CYP2C19: variants seen among roughly 807,000 people sequenced by gnomAD.
The protein encoded by CYP2C19 is cytochrome P450 family 2 subfamily C member 19.
Under a neutral mutation model 40.9 loss-of-function variants are expected in CYP2C19, and 59 were observed. The ratio of observed to expected loss-of-function variants is 1.44; its 90% CI spans 1.17 to 1.79. CYP2C19 has a LOEUF of 1.79. Ranked by LOEUF, CYP2C19 falls within the 40% of genes most tolerant of loss-of-function variation. The pLI, the probability that CYP2C19 is intolerant of heterozygous loss-of-function variation, is 0.00. For missense variants in CYP2C19, 754 were observed against 596.9 expected, an observed-to-expected ratio of 1.26 and a Z score of -2.74; for synonymous variants, 253 against 208.7, an observed-to-expected ratio of 1.21 and a Z score of -1.83.
At chr10:94,815,813 T>G (rs1848993190) in intron 5 of CYP2C19, among the ~76,000 whole-genome samples, 1 of 152,248 alleles carries the variant, frequency 6.6e-6, no homozygotes, top group Non-Finnish European at 1.5e-5. Flanking sequence ...ATGTTGCTTT[T>G]TTCATATCTG....
At chr10:94,844,692 T>A (rs1849545582) in intron 7 of CYP2C19, among the ~76,000 whole-genome samples, 1 of 152,200 alleles carries the variant, frequency 6.6e-6, no homozygotes, top group African/African-American at 2.4e-5. Context: ...TTATGGGGCT[T>A]ACCCTGAGGT....
At chr10:94,796,737 A>G (rs1848694110) in intron 5 of CYP2C19, among the ~76,000 whole-genome samples, 1 of 152,010 alleles carries the variant, frequency 6.6e-6, no homozygotes, top group Admixed American at 6.5e-5. Flanking sequence ...ATTCTTAGGT[A>G]TTTTACTCTC....
chr10:94,841,258 C>T (rs1413660852), intron 6 of CYP2C19, among the ~76,000 whole-genome samples: 2 of 152,210 alleles, frequency 1.3e-5, no homozygotes, highest in African/African-American at 4.8e-5. Flanking sequence ...CAAACCCAGG[C>T]ACTTAGCCAT....
intron 6 of CYP2C19, among the ~76,000 whole-genome samples, chr10:94,840,634 A>G (rs911485790): frequency 1.3e-5 from 2 of 152,188 alleles, no homozygotes; most frequent in African/African-American, 4.8e-5. Flanking sequence ...GGTCAGAAGG[A>G]AAGGTAGGGG....
chr10:94,770,917 G>T (rs902806497), intron 1 of CYP2C19, among the ~76,000 whole-genome samples: 2 of 152,172 alleles, frequency 1.3e-5, no homozygotes, highest in African/African-American at 4.8e-5. Context: ...TTCTTCAGCT[G>T]TCATTCTATC....
At chr10:94,840,682 T>C (rs940762233) in intron 6 of CYP2C19, among the ~76,000 whole-genome samples, 4 of 152,230 alleles carry the variant, frequency 2.6e-5, no homozygotes, top group Non-Finnish European at 5.9e-5. Context: ...GACTTCTGGC[T>C]GCGCCATGAT....
chr10:94,784,478 A>C (rs2134241997), intron 5 of CYP2C19, among the ~76,000 whole-genome samples: 1 of 152,164 alleles, frequency 6.6e-6, no homozygotes, highest in Admixed American at 6.5e-5. Context: ...AAATTTTTCT[A>C]CAGTGAATGT....
chr10:94,821,665 G>A (rs1849124095), intron 6 of CYP2C19, among the ~76,000 whole-genome samples: 1 of 152,102 alleles, frequency 6.6e-6, no homozygotes, highest in African/African-American at 2.4e-5. Flanking sequence ...CGGTTATGCT[G>A]CAGATAATAA....
intron 7 of CYP2C19, among the ~76,000 whole-genome samples, chr10:94,849,333 A>AT (rs1388789072): frequency 5.3e-5 from 8 of 151,364 alleles, no homozygotes; most frequent in East Asian, 4.0e-4. Flanking sequence ...TTATTTATTT[A>AT]TTTATTTTTT....
chr10:94,842,770 C>T (rs1043507536), intron 6 of CYP2C19, 67 bp from the exon 7 acceptor site: 9 of 1,519,668 alleles, frequency 5.9e-6, no homozygotes, highest in East Asian at 2.3e-5. Flanking sequence ...TTCATGTACC[C>T]CTGAATTGCT....
At chr10:94,817,933 A>G (rs907164116) in intron 5 of CYP2C19, among the ~76,000 whole-genome samples, 4 of 148,418 alleles carry the variant, frequency 2.7e-5, no homozygotes, top group African/African-American at 1.0e-4. Context: ...GAATGGCGTG[A>G]ACCCGGGAGG....
At chr10:94,838,599 C>T (rs1427962920) in intron 6 of CYP2C19, among the ~76,000 whole-genome samples, 3 of 152,056 alleles carry the variant, frequency 2.0e-5, no homozygotes, top group Admixed American at 2.0e-4. Context: ...TATTGGCACT[C>T]TTTGGTTCAT....
chr10:94,794,501 C>T (rs1282108895), intron 5 of CYP2C19, among the ~76,000 whole-genome samples: 2 of 152,148 alleles, frequency 1.3e-5, no homozygotes, highest in African/African-American at 4.8e-5. Flanking sequence ...CCAGTATGGC[C>T]ATTTTCTCAA....
At position 94,775,488 on chromosome 10, in the gene CYP2C19, C is replaced by T. The variant is rs368767518; in HGVS notation, c.430C>T (p.Arg144Cys). 2.4e-5 allele frequency: 39 copies of T among 1,613,832 alleles called. 1 individual carries two copies. The highest frequency in any genetic ancestry group is 3.3e-4 in the Middle Eastern group (2 of 6,084). Residue 144 changes from arginine to cysteine, a missense_variant, in exon 3 of 9, where the codon CGT becomes TGT. By Grantham distance (180) the Arg-to-Cys change is radical. Coordinates refer to ENST00000371321, the MANE Select transcript of CYP2C19 (RefSeq NM_000769.4). ...GATGGGGAAGAGGAGCATTGAGGACCGTGTTCAAGAGGAAGCCCGCTGCCT... is the reference window on the plus strand; with the variant it reads ...GATGGGGAAGAGGAGCATTGAGGACTGTGTTCAAGAGGAAGCCCGCTGCCT... Reference protein sequence around the residue: ...FGMGKRSIEDRVQEEARCLVE... With the variant: ...FGMGKRSIEDCVQEEARCLVE...
intron 6 of CYP2C19, among the ~76,000 whole-genome samples, chr10:94,839,774 A>C (rs183456488): frequency 6.6e-6 from 1 of 152,306 alleles, no homozygotes; most frequent in Admixed American, 6.5e-5. Context: ...TTTTTTCCTC[A>C]GTCACCTGGG....
At chr10:94,842,393 G>GT (rs57865512) in intron 6 of CYP2C19, among the ~76,000 whole-genome samples, 17,270 of 86,838 alleles carry the variant, frequency 0.2, 1,746 homozygotes, top group South Asian at 0.36. Flanking sequence ...TTTAAGTGAA[G>GT]TTTTTTTTTT....
intron 6 of CYP2C19, among the ~76,000 whole-genome samples, chr10:94,838,477 A>ATT (rs1849439265): frequency 6.6e-6 from 1 of 152,190 alleles, no homozygotes; most frequent in Non-Finnish European, 1.5e-5. Flanking sequence ...CTGATCTAAA[A>ATT]TACCTAGGTC....
chr10:94,794,482 T>G (rs1361530651), intron 5 of CYP2C19, among the ~76,000 whole-genome samples: 1 of 152,182 alleles, frequency 6.6e-6, no homozygotes, highest in African/African-American at 2.4e-5. Flanking sequence ...TCGGCCACCT[T>G]GGAACCTCCC....
At chr10:94,770,153 G>A (rs540638930) in intron 1 of CYP2C19, among the ~76,000 whole-genome samples, 9 of 152,142 alleles carry the variant, frequency 5.9e-5, no homozygotes, top group Non-Finnish European at 1.3e-4. Context: ...AACATACCCA[G>A]GACTCAGTGA....
Sources: allele counts gnomAD v4.1 joint callset (sites outside exome capture counted in the v4.1 genomes callset), GRCh38; gene constraint gnomAD v4.1.1; transcripts MANE v1.5; gene names NCBI Gene and HGNC (gene_info 2026-07-23, HGNC 2026-07-21).